NT5C2: variants seen among roughly 807,000 people sequenced by gnomAD.
NT5C2 encodes 5'-nucleotidase, cytosolic II.
A neutral mutation model predicts 76.1 loss-of-function variants in NT5C2; 58 were observed. The observed-to-expected ratio is 0.76, with a 90% CI of 0.62 to 0.95. The LOEUF (loss-of-function observed/expected upper bound fraction) is 0.95. Ranked by LOEUF, NT5C2 falls within the 40% of genes least tolerant of loss-of-function variation. The pLI is 0.00. For missense variants in NT5C2, 478 were observed against 690.3 expected, an observed-to-expected ratio of 0.69 and a Z score of 3.45; for synonymous variants, 229 against 237.4, an observed-to-expected ratio of 0.96 and a Z score of 0.32.
chr10:103,115,237 C>T (rs2074050403), intron 4 of NT5C2, among the ~76,000 whole-genome samples: 1 of 152,138 alleles, frequency 6.6e-6, no homozygotes, highest in African/African-American at 2.4e-5. Context: ...CCCGTCTCTA[C>T]TAAAATACAA....
chr10:103,192,755 G>A (rs2092732627), intron 1 of NT5C2, among the ~76,000 whole-genome samples: 1 of 152,242 alleles, frequency 6.6e-6, no homozygotes, highest in African/African-American at 2.4e-5. Context: ...TGGGGGCGGG[G>A]AGGCTTTTAC....
intron 4 of NT5C2, among the ~76,000 whole-genome samples, chr10:103,131,047 ACAAATTTAGG>A (rs1262370634): frequency 6.6e-6 from 1 of 152,238 alleles, no homozygotes; most frequent in African/African-American, 2.4e-5. Context: ...TTTCCTCAGA[ACAAATTTAGG>A]CAAATTTACA....
intron 6 of NT5C2, 53 bp downstream of exon 6, chr10:103,105,653 T>C: frequency 8.5e-7 from 1 of 1,170,818 alleles, no homozygotes; most frequent in Non-Finnish European, 1.3e-6. Context: ...GATGTCATCT[T>C]CACATTGTTT....
intron 1 of NT5C2, among the ~76,000 whole-genome samples, chr10:103,189,487 T>C (rs2092431037): frequency 6.6e-6 from 1 of 150,440 alleles, no homozygotes; most frequent in African/African-American, 2.4e-5. Context: ...ACGCCTTTAG[T>C]CCTAGCTACT....
intron 4 of NT5C2, among the ~76,000 whole-genome samples, chr10:103,112,629 C>CT: frequency 6.6e-6 from 1 of 152,266 alleles, no homozygotes; most frequent in Middle Eastern, 3.4e-3. Flanking sequence ...CACTGGGCTC[C>CT]TCCAATTCTT....
Position 103,191,982 on chromosome 10 carries a change from C to A in NT5C2, c.-169+1254G>T, listed in dbSNP as rs190907980. ...CTTTTTTTTTTTTCCACTCTCAGCT[C>A]ACACCTATTTTTTTTCTCTTTTCGA... On this transcript the variant is annotated intron_variant, in intron 1 of 18. Transcript: ENST00000404739. Among the ~76,000 whole-genome samples the A allele has an allele frequency of 1.4e-3, 210 of 151,258 alleles. 1 individual carries two copies. The highest frequency in any genetic ancestry group is 4.6e-3 in the African/African-American group (190 of 41,178).
intron 3 of NT5C2, among the ~76,000 whole-genome samples, chr10:103,142,755 C>T (rs570595466): frequency 3.3e-5 from 5 of 151,930 alleles, no homozygotes; most frequent in Non-Finnish European, 5.9e-5. Context: ...GAGGCTGAGG[C>T]GGGTGGATCA....
intron 3 of NT5C2, among the ~76,000 whole-genome samples, chr10:103,140,458 T>C (rs766212399): frequency 5.3e-5 from 8 of 152,192 alleles, no homozygotes; most frequent in Non-Finnish European, 7.3e-5. Flanking sequence ...TCAACAGATA[T>C]CTTTTTTCCA....
intron 4 of NT5C2, among the ~76,000 whole-genome samples, chr10:103,113,379 G>C (rs968780590): frequency 3.3e-5 from 5 of 152,000 alleles, no homozygotes; most frequent in Non-Finnish European, 5.9e-5. Flanking sequence ...CAAATATCTT[G>C]TATTTTCAGT....
At chr10:103,125,631 C>T (rs1359602770) in intron 4 of NT5C2, among the ~76,000 whole-genome samples, 1 of 152,072 alleles carries the variant, frequency 6.6e-6, no homozygotes, top group Non-Finnish European at 1.5e-5. Context: ...CATTTGAAGC[C>T]TCAGAACTAG....
chr10:103,144,774 T>C (rs955777941), intron 3 of NT5C2, among the ~76,000 whole-genome samples: 6 of 152,310 alleles, frequency 3.9e-5, no homozygotes, highest in South Asian at 4.1e-4. Flanking sequence ...AGCTGTTCTT[T>C]AGGGAGCAGA....
chr10:103,112,851 G>T (rs962514526), intron 4 of NT5C2, among the ~76,000 whole-genome samples: 1 of 152,124 alleles, frequency 6.6e-6, no homozygotes, highest in Non-Finnish European at 1.5e-5. Flanking sequence ...GGTTCTCTAA[G>T]CCTCTAACTA....
intron 2 of NT5C2, among the ~76,000 whole-genome samples, chr10:103,179,863 T>C (rs2135172622): frequency 6.6e-6 from 1 of 152,358 alleles, no homozygotes; most frequent in South Asian, 2.1e-4. Flanking sequence ...CTTGTTTGTA[T>C]ACTTAATTTA....
chr10:103,094,474 C>G lies in NT5C2; in HGVS notation c.814-19G>C. 7.1e-7 allele frequency: 1 copy of G among 1,400,442 alleles called. No homozygotes were observed. Among genetic ancestry groups the G allele is most frequent in the Non-Finnish European group, 1.0e-6 (1 of 986,410 alleles). The allele number at this position is 1,400,442 out of a possible 1,614,324, so 86.8% of individuals were successfully genotyped here. On this transcript the variant is annotated intron_variant, in intron 12 of 18. Transcript: ENST00000404739. ...TCCCAGGCTGGTGAAGGAGAAACAG[C>G]AAAAGTTGAAACATCACTCCTTACC... is the stretch of plus-strand genomic sequence containing the variant.
intron 4 of NT5C2, among the ~76,000 whole-genome samples, chr10:103,121,955 C>T (rs941272419): frequency 1.3e-5 from 2 of 152,186 alleles, no homozygotes; most frequent in African/African-American, 4.8e-5. Context: ...GGGCAGATCA[C>T]CTGAGGTCAG....
intron 3 of NT5C2, among the ~76,000 whole-genome samples, chr10:103,165,454 T>C (rs972845491): frequency 2.6e-5 from 4 of 151,244 alleles, no homozygotes; most frequent in African/African-American, 7.3e-5. Flanking sequence ...CATCACGCCA[T>C]TGCACTCCAG....
At chr10:103,118,470 C>T (rs1397087787) in intron 4 of NT5C2, among the ~76,000 whole-genome samples, 2 of 151,932 alleles carry the variant, frequency 1.3e-5, no homozygotes, top group Non-Finnish European at 2.9e-5. Flanking sequence ...AATTCTCCCA[C>T]CTCAGCCTCC....
chr10:103,132,112 T>C (rs561421998), intron 4 of NT5C2, among the ~76,000 whole-genome samples: 109 of 151,610 alleles, frequency 7.2e-4, no homozygotes, highest in Non-Finnish European at 1.3e-3. Flanking sequence ...TGGTGATGCA[T>C]GCCTGTAACC....
intron 6 of NT5C2, among the ~76,000 whole-genome samples, chr10:103,103,982 T>C (rs1011471501): frequency 2.6e-5 from 4 of 152,216 alleles, no homozygotes; most frequent in Admixed American, 1.3e-4. Flanking sequence ...GTCTCCCATA[T>C]AGCTGGGACC....
Sources: gnomAD v4.1 joint callset for allele counts (sites outside exome capture counted in the v4.1 genomes callset) on GRCh38, gnomAD v4.1.1 for gene constraint, MANE v1.5 for transcripts, NCBI Gene and HGNC (gene_info 2026-07-23, HGNC 2026-07-21) for gene names.